The following CAPN11 variants were observed in gnomAD, a reference collection of about 807,000 sequenced individuals.
The protein encoded by CAPN11 is calpain 11.
Under a neutral mutation model 105.3 loss-of-function variants are expected in CAPN11, and 108 were observed. The observed-to-expected ratio is 1.03, with a 90% CI of 0.88 to 1.20. CAPN11 has a LOEUF of 1.20. Among genes scored for constraint, CAPN11 ranks in the 50% most tolerant of loss-of-function variants. CAPN11 has a pLI of 0.00. For missense variants in CAPN11, 883 were observed against 924.8 expected (o/e 0.95, Z 0.59); for synonymous variants, 329 against 344.5 (o/e 0.96, Z 0.50).
intron 2 of CAPN11, among the ~76,000 whole-genome samples, chr6:44,168,511 G>A (rs969291665): frequency 4.0e-5 from 6 of 151,542 alleles, no homozygotes; most frequent in Admixed American, 2.6e-4. Flanking sequence ...CTTGTGATCC[G>A]CCCACCTTGT....
intron 19 of CAPN11, 86 bp downstream of exon 19, chr6:44,181,406 C>A: frequency 9.7e-7 from 1 of 1,031,470 alleles, no homozygotes; most frequent in Non-Finnish European, 1.4e-6. Context: ...AGCTAGAACC[C>A]AAGCCCTAAC....
chr6:44,183,662 A>G (rs1453276108), intron 21 of CAPN11, 43 bp from the exon 22 acceptor site: 8 of 1,593,734 alleles, frequency 5.0e-6, no homozygotes, highest in Admixed American at 1.7e-5. Context: ...CGGAACACTG[A>G]CTTAGCATTC....
Position 44,176,249 on chromosome 6 carries a change from C to T in CAPN11, c.916-4C>T. Reference sequence around the variant, plus strand: ...CTGACCTTTAACCACCCCCGCCCACCCAGGTCCACTACAGAGGCAAAATGG... The same window carrying T: ...CTGACCTTTAACCACCCCCGCCCACTCAGGTCCACTACAGAGGCAAAATGG... On this transcript the variant is annotated splice_region_variant and splice_polypyrimidine_tract_variant and intron_variant, in intron 8 of 22. Transcript: ENST00000398776. 6.4e-7 allele frequency: 1 copy of T among 1,570,274 alleles called. No individual in the cohort carries two copies. Among genetic ancestry groups the T allele is most frequent in the South Asian group, 1.1e-5 (1 of 89,450 alleles).
rs776087132 is a variant in CAPN11, at chr6:44,173,362, C to T, written c.807C>T (p.Ser269=). The T allele has an allele frequency of 6.2e-6, 10 of 1,612,264 alleles. No individual in the cohort carries two copies. The East Asian group carries it at 6.7e-5, about 11-fold the overall frequency. The change falls in exon 7 of 23, where the codon TCC becomes TCT. Residue 269 remains serine, a synonymous_variant. Transcript: ENST00000398776. ...TCCTTAGGAAGGCCGTGGAGCGATC[C>T]TCCCTCATGGGTTGCTCCATTGAAG... is the stretch of plus-strand genomic sequence containing the variant. ...LRLLRKAVER[S]SLMGCSIEVT...
rs753904604 is a variant in CAPN11 at position 44,180,590 on chromosome 6, C to A, written c.1681-7C>A. 54 of 1,613,678 alleles carry A rather than the reference C, an allele frequency of 3.3e-5. No homozygotes were observed. The highest frequency in any genetic ancestry group is 4.5e-5 in the Non-Finnish European group (53 of 1,179,746). ...ACCAGGTCCCTTTCCTGCTCCCCGG[C>A]CCCCAGGAAAAGGTCTCTGAGGATG... On this transcript the variant is annotated splice_region_variant and splice_polypyrimidine_tract_variant and intron_variant, in intron 15 of 22. Coordinates refer to ENST00000398776, the MANE Select transcript of CAPN11 (RefSeq NM_007058.4).
At chr6:44,183,638 G>A in intron 21 of CAPN11, 67 bp from the exon 22 acceptor site, 1 of 1,461,240 alleles carries the variant, frequency 6.8e-7, no homozygotes, top group Non-Finnish European at 9.5e-7. Flanking sequence ...CTACCTAGTT[G>A]GGAGTGGTTC....
At chr6:44,173,746 G>A (rs1771451260) in intron 7 of CAPN11, among the ~76,000 whole-genome samples, 1 of 151,752 alleles carries the variant, frequency 6.6e-6, no homozygotes, top group South Asian at 2.1e-4. Context: ...CCCTGCCTGC[G>A]TAGTTTTTTG....
In CAPN11 at chr6:44,176,579, A is replaced by T; in HGVS notation, c.1002-2A>T. 6.2e-7 allele frequency: 1 copy of T among 1,611,990 alleles called. No homozygotes were observed. Among genetic ancestry groups the T allele is most frequent in the Non-Finnish European group, 8.5e-7 (1 of 1,178,532 alleles). On this transcript the variant is annotated splice_acceptor_variant, in intron 9 of 22. Coordinates refer to ENST00000398776, the MANE Select transcript of CAPN11 (RefSeq NM_007058.4). LOFTEE classifies it high-confidence loss of function. ...TCCTTCCACCGCCCATCTCTGCTCC[A>T]GTGCCAGGGAGTGGGAAGAGGTGGC... is the stretch of plus-strand genomic sequence containing the variant.
In CAPN11 at chr6:44,169,336, GGC is replaced by G. The variant is rs1175772124; in HGVS notation, c.145_146del (p.Ala49GlnfsTer14). ...VAHINNSRLK[A>X]KGVGQHDNAQ... ...CTCACATAAACAACAGCCGGCTCAA[GGC>G]CAAGGGCGTGGGCCAGCACGACAAC... On this transcript the variant is annotated frameshift_variant, in exon 3 of 23. Coordinates refer to ENST00000398776, the MANE Select transcript of CAPN11 (RefSeq NM_007058.4). LOFTEE classifies it high-confidence loss of function. 2 of 1,613,938 alleles carry G rather than the reference GGC, an allele frequency of 1.2e-6. No homozygotes were observed. The highest frequency in any genetic ancestry group is 1.7e-6 in the Non-Finnish European group (2 of 1,179,876).
chr6:44,172,445 G>A, intron 5 of CAPN11, 25 bp downstream of exon 5: 2 of 1,418,364 alleles, frequency 1.4e-6, no homozygotes, highest in Non-Finnish European at 1.9e-6. Flanking sequence ...GAGAGCCACT[G>A]TGGCTTTGTT....
At chr6:44,166,690 C>A in intron 1 of CAPN11, 68 bp from the exon 2 acceptor site, 2 of 1,182,816 alleles carry the variant, frequency 1.7e-6, no homozygotes, top group Non-Finnish European at 2.5e-6. Context: ...ACACCCCAGC[C>A]CCAGCTGGGC....
At chr6:44,170,065 G>C in intron 4 of CAPN11, 90 bp downstream of exon 4, 1 of 989,046 alleles carries the variant, frequency 1.0e-6, no homozygotes, top group South Asian at 1.4e-5. Flanking sequence ...GAAACAGGGA[G>C]CCCTGAGGTC....
chr6:44,169,266 T>A lies in CAPN11; in HGVS notation c.89-15T>A. The A allele has an allele frequency of 6.3e-7, 1 of 1,590,038 alleles. No individual in the cohort carries two copies. The highest frequency in any genetic ancestry group is 8.6e-7 in the Non-Finnish European group (1 of 1,168,876). Reference sequence around the variant, plus strand: ...TTTTTTACTTGCGTTATTTCTCTTTTTTTTTCTTAAGCAGAGCCCACTTTT... The same window carrying A: ...TTTTTTACTTGCGTTATTTCTCTTTATTTTTCTTAAGCAGAGCCCACTTTT... On this transcript the variant is annotated splice_polypyrimidine_tract_variant and intron_variant, in intron 2 of 22. Coordinates refer to ENST00000398776, the MANE Select transcript of CAPN11 (RefSeq NM_007058.4).
chr6:44,172,975 A>G lies in CAPN11; in HGVS notation c.564A>G (p.Val188=), dbSNP rs1352312407. 1.7e-5 allele frequency: 27 copies of G among 1,613,124 alleles called. No homozygotes were observed. In the East Asian group the frequency reaches 6.0e-4, roughly 36 times the overall value. The change falls in exon 6 of 23, where the codon GTA becomes GTG. Residue 188 remains valine (V), a synonymous_variant. Coordinates refer to ENST00000398776, the MANE Select transcript of CAPN11 (RefSeq NM_007058.4). ...TTGGACAGTGGGTGAACGTGGTGGT[A>G]GATGACCGGCTGCCCACAAAGAATG... ...WQFGQWVNVV[V]DDRLPTKNDK...
chr6:44,176,795 T>C (rs762686550), intron 10 of CAPN11, 43 bp from the exon 11 acceptor site: 2 of 1,609,638 alleles, frequency 1.2e-6, no homozygotes, highest in South Asian at 2.2e-5. Context: ...GAACTGAGGA[T>C]GCAAGTGTGC....
intron 12 of CAPN11, chr6:44,177,702 G>A (rs927232442): frequency 6.2e-6 from 2 of 322,300 alleles, no homozygotes; most frequent in Non-Finnish European, 1.2e-5. Flanking sequence ...GGCTAGGCTG[G>A]TCTGGAACTC....
rs143103643 is a variant in CAPN11 at position 44,184,231 on chromosome 6, G to A, written c.*299G>A. 4.3e-6 allele frequency: 2 copies of A among 470,046 alleles called. No individual in the cohort carries two copies. Among genetic ancestry groups the A allele is most frequent in the African/African-American group, 3.9e-5 (2 of 51,524 alleles). 29.1% of individuals were successfully genotyped at this position (470,046 alleles called of 1,614,324 possible). The stretch of plus-strand genomic sequence containing the variant: ...TAAAGAGTAGTTGATGCTTCCCCAG[G>A]GTCCCCCTGGCTGGGGAGGCCAAGA... On this transcript the variant is annotated 3_prime_UTR_variant, in exon 23 of 23. Transcript: ENST00000398776.
At chr6:44,170,022 G>T in intron 4 of CAPN11, 47 bp downstream of exon 4, 2 of 1,457,460 alleles carry the variant, frequency 1.4e-6, no homozygotes, top group South Asian at 1.2e-5. Context: ...AAGAGGATTG[G>T]GGGAGGGGTG....
intron 1 of CAPN11, chr6:44,162,004 C>T (rs1768918410): frequency 4.7e-6 from 2 of 424,892 alleles, no homozygotes; most frequent in Non-Finnish European, 9.7e-6. Flanking sequence ...CTGAGGGGCG[C>T]CCAGCAGCAT....
Sources: allele counts gnomAD v4.1 joint callset (sites outside exome capture counted in the v4.1 genomes callset), GRCh38; gene constraint gnomAD v4.1.1; transcripts MANE v1.5; gene names NCBI Gene and HGNC (gene_info 2026-07-23, HGNC 2026-07-21).